CDK17: variants seen among roughly 807,000 people sequenced by gnomAD.
CDK17 encodes the protein cyclin-dependent kinase 17.
Under a neutral mutation model 77.6 loss-of-function variants are expected in CDK17, and 24 were observed. The ratio of observed to expected loss-of-function variants is 0.31; its 90% CI spans 0.22 to 0.44. The LOEUF (loss-of-function observed/expected upper bound fraction) is 0.44, where lower values mean the gene tolerates loss of function less well. CDK17 is among the 20% of genes least tolerant of loss of function. The pLI is 1.00. For synonymous variants in CDK17, 203 were observed against 210.4 expected (o/e 0.96, Z 0.30); for missense variants, 429 against 622.5 (o/e 0.69, Z 3.31).
chr12:96,382,194 C>A (rs1365226422), intron 1 of CDK17, among the ~76,000 whole-genome samples: 1 of 151,802 alleles, frequency 6.6e-6, no homozygotes, highest in Non-Finnish European at 1.5e-5. Context: ...AACATAAATA[C>A]AAAAGATATT....
At chr12:96,368,546 T>C (rs1447644198) in intron 1 of CDK17, among the ~76,000 whole-genome samples, 1 of 152,142 alleles carries the variant, frequency 6.6e-6, no homozygotes, top group African/African-American at 2.4e-5. Flanking sequence ...CTCCTAAAAT[T>C]TGAGCACAGG....
intron 1 of CDK17, among the ~76,000 whole-genome samples, chr12:96,387,644 T>C (rs952649693): frequency 1.3e-5 from 2 of 152,222 alleles, no homozygotes. Flanking sequence ...TCTATTTTGA[T>C]TTCAGAAAAA....
At chr12:96,302,819 A>G (rs1345827479) in intron 5 of CDK17, among the ~76,000 whole-genome samples, 1 of 152,204 alleles carries the variant, frequency 6.6e-6, no homozygotes. Flanking sequence ...GTAAAGACAA[A>G]TATGTAAGAG....
intron 1 of CDK17, among the ~76,000 whole-genome samples, chr12:96,397,876 G>A (rs181814576): frequency 6.7e-4 from 102 of 152,260 alleles, no homozygotes; most frequent in African/African-American, 2.4e-3. Context: ...GTGGAGTAGG[G>A]TAAGGAGTCC....
Position 96,282,491 on chromosome 12 carries a change from C to A in CDK17, c.1456+18G>T. 1 of 1,535,058 alleles carries A rather than the reference C, an allele frequency of 6.5e-7. No homozygotes were observed. Among genetic ancestry groups the A allele is most frequent in the African/African-American group, 1.4e-5 (1 of 73,576 alleles). On this transcript the variant is annotated intron_variant, in intron 15 of 16. Transcript: ENST00000261211. Reference sequence around the variant, plus strand: ...AAATAAAAATAAAGCAGGGAAAACACTTTAGGATTTCTCTTACTTTCTGGT... The same window carrying A: ...AAATAAAAATAAAGCAGGGAAAACAATTTAGGATTTCTCTTACTTTCTGGT...
chr12:96,353,340 T>C (rs1953341029), intron 1 of CDK17, among the ~76,000 whole-genome samples: 1 of 152,224 alleles, frequency 6.6e-6, no homozygotes, highest in Admixed American at 6.5e-5. Flanking sequence ...TACTATTCCA[T>C]TGTATGGCTA....
At chr12:96,325,012 A>C (rs1270216436) in intron 2 of CDK17, among the ~76,000 whole-genome samples, 2 of 152,166 alleles carry the variant, frequency 1.3e-5, no homozygotes, top group Non-Finnish European at 2.9e-5. Flanking sequence ...AAAAAAATAT[A>C]ATACTTAAAA....
rs955773088 is a variant in CDK17, at chr12:96,400,033, C to T, written c.-77G>A. On this transcript the variant is annotated 5_prime_UTR_variant, in exon 1 of 17. Transcript: ENST00000261211. ...TCCCGAGGCGAGGCGAAGAGAGGCG[C>T]GGGGGGAAGCTGCTCCGCGGACGCC... 2 of 386,258 alleles carry T rather than the reference C, an allele frequency of 5.2e-6. No homozygotes were observed. Among genetic ancestry groups the T allele is most frequent in the African/African-American group, 4.2e-5 (2 of 48,078 alleles). 23.9% of individuals were successfully genotyped at this position (386,258 alleles called of 1,614,324 possible).
chr12:96,347,566 G>T (rs1295676959), intron 1 of CDK17, among the ~76,000 whole-genome samples: 1 of 118,172 alleles, frequency 8.5e-6, no homozygotes, highest in Non-Finnish European at 1.7e-5. Flanking sequence ...TCACAGAAAG[G>T]GGAAGGGAAG....
At chr12:96,367,982 T>C (rs193148960) in intron 1 of CDK17, among the ~76,000 whole-genome samples, 8 of 152,194 alleles carry the variant, frequency 5.3e-5, no homozygotes, top group Non-Finnish European at 7.4e-5. Context: ...GTCTGCCATA[T>C]AACACAGGTA....
intron 1 of CDK17, among the ~76,000 whole-genome samples, chr12:96,371,004 G>A (rs1210733382): frequency 6.6e-6 from 1 of 151,874 alleles, no homozygotes. Context: ...TTCTAAATTG[G>A]TTTACTTACC....
chr12:96,362,205 T>C (rs1355510806), intron 1 of CDK17, among the ~76,000 whole-genome samples: 1 of 152,062 alleles, frequency 6.6e-6, no homozygotes, highest in Non-Finnish European at 1.5e-5. Context: ...CATAAGATAG[T>C]TACAGCACAC....
intron 3 of CDK17, among the ~76,000 whole-genome samples, chr12:96,314,353 G>GTT (rs1952679894): frequency 6.6e-6 from 1 of 151,128 alleles, no homozygotes; most frequent in Non-Finnish European, 1.5e-5. Flanking sequence ...CACATCTGGT[G>GTT]TTTTGTTTTG....
intron 1 of CDK17, among the ~76,000 whole-genome samples, chr12:96,388,170 A>G (rs998135921): frequency 3.3e-5 from 5 of 152,150 alleles, no homozygotes; most frequent in Non-Finnish European, 5.9e-5. Flanking sequence ...AGGAAAGCAA[A>G]TACTGTCTAG....
chr12:96,365,453 A>T (rs1183902560), intron 1 of CDK17, among the ~76,000 whole-genome samples: 3 of 152,194 alleles, frequency 2.0e-5, no homozygotes, highest in Admixed American at 1.3e-4. Flanking sequence ...CAAAATGCAA[A>T]TCCTGTGTGT....
At chr12:96,324,499 G>A (rs1324659487) in intron 2 of CDK17, among the ~76,000 whole-genome samples, 1 of 152,068 alleles carries the variant, frequency 6.6e-6, no homozygotes, top group Non-Finnish European at 1.5e-5. Flanking sequence ...TGGGTGCATG[G>A]CTCACACCTG....
intron 1 of CDK17, among the ~76,000 whole-genome samples, chr12:96,356,389 A>C (rs1178323174): frequency 6.6e-6 from 1 of 152,172 alleles, no homozygotes; most frequent in Non-Finnish European, 1.5e-5. Flanking sequence ...TCTGTTGCCC[A>C]GGCTCAAGCA....
chr12:96,309,733 T>C (rs1952622379), intron 5 of CDK17, among the ~76,000 whole-genome samples: 1 of 152,128 alleles, frequency 6.6e-6, no homozygotes, highest in Non-Finnish European at 1.5e-5. Context: ...CGATGAATAA[T>C]AAACACACAG....
intron 1 of CDK17, among the ~76,000 whole-genome samples, chr12:96,354,638 G>C (rs1028596163): frequency 2.0e-5 from 3 of 152,086 alleles, no homozygotes; most frequent in African/African-American, 7.2e-5. Flanking sequence ...CCAGTGACTC[G>C]AGAGGCTGAG....
Sources: gnomAD v4.1 joint callset for allele counts (sites outside exome capture counted in the v4.1 genomes callset) on GRCh38, gnomAD v4.1.1 for gene constraint, MANE v1.5 for transcripts, NCBI Gene and HGNC (gene_info 2026-07-23, HGNC 2026-07-21) for gene names.